MITF: variants seen among roughly 807,000 people sequenced by gnomAD.
MITF encodes microphthalmia-associated transcription factor.
In MITF, 17 loss-of-function variants were observed where a neutral mutation model predicts 60.5. That is an observed-to-expected ratio of 0.28 (90% confidence interval 0.19 to 0.42). The LOEUF (loss-of-function observed/expected upper bound fraction) is 0.42. Ranked by LOEUF, MITF falls within the 10% of genes least tolerant of loss-of-function variation. MITF has a pLI of 1.00. For synonymous variants in MITF, 260 were observed against 248.5 expected (o/e 1.05, Z -0.43); for missense variants, 622 against 683.5 (o/e 0.91, Z 1.00).
At chr3:69,813,822 A>T (rs561335362) in intron 1 of MITF, among the ~76,000 whole-genome samples, 53 of 152,342 alleles carry the variant, frequency 3.5e-4, no homozygotes, top group African/African-American at 1.2e-3. Flanking sequence ...TAAGGATCTT[A>T]GATAAAATTG....
At chr3:69,828,118 T>G (rs1380975139) in intron 1 of MITF, among the ~76,000 whole-genome samples, 1 of 41,136 alleles carries the variant, frequency 2.4e-5, no homozygotes, top group Non-Finnish European at 1.1e-4. Flanking sequence ...TCAGTCAGTA[T>G]TGACACCATG....
intron 1 of MITF, among the ~76,000 whole-genome samples, chr3:69,837,417 G>A (rs1472121970): frequency 6.6e-6 from 1 of 152,076 alleles, no homozygotes; most frequent in Non-Finnish European, 1.5e-5. Flanking sequence ...TTTTTAATGT[G>A]CCCACAGAGT....
At chr3:69,888,985 A>G (rs544212825) in intron 2 of MITF, among the ~76,000 whole-genome samples, 1 of 135,604 alleles carries the variant, frequency 7.4e-6, no homozygotes, top group South Asian at 2.3e-4. Flanking sequence ...TTTAATTTGA[A>G]TCCTTCGTCT....
chr3:69,854,264 T>C (rs1415534792), intron 1 of MITF, among the ~76,000 whole-genome samples: 1 of 152,218 alleles, frequency 6.6e-6, no homozygotes, highest in Non-Finnish European at 1.5e-5. Context: ...TTTTTGTTAA[T>C]AATTTAATGT....
At position 69,883,355 on chromosome 3, in the gene MITF, C is replaced by CATTT. The variant is rs548363360; in HGVS notation, c.354+3973_354+3976dup. ...TGGTTATCTCGTCAAAGTTGCCTCT[C>CATTT]ATTTGTATTGAGATTCTAGCGAGGT... On this transcript the variant is annotated intron_variant, in intron 2 of 9. Coordinates refer to ENST00000352241, the MANE Select transcript of MITF (RefSeq NM_001354604.2). Among the ~76,000 whole-genome samples the CATTT allele has an allele frequency of 5.9e-5, 9 of 152,254 alleles. No homozygotes were observed. The South Asian group carries it at 1.9e-3, about 32-fold the overall frequency.
chr3:69,765,992 G>T (rs542166835), intron 1 of MITF, among the ~76,000 whole-genome samples: 1 of 152,288 alleles, frequency 6.6e-6, no homozygotes, highest in African/African-American at 2.4e-5. Flanking sequence ...AGGAAAAATA[G>T]TTATGAATTT....
intron 1 of MITF, among the ~76,000 whole-genome samples, chr3:69,781,665 T>G (rs760755789): frequency 1.6e-4 from 24 of 152,146 alleles, no homozygotes; most frequent in Non-Finnish European, 3.2e-4. Context: ...CCCCCAAAGG[T>G]TGGTCCTACT....
intron 2 of MITF, among the ~76,000 whole-genome samples, chr3:69,933,364 C>T (rs1396148046): frequency 1.3e-5 from 2 of 152,080 alleles, no homozygotes; most frequent in African/African-American, 4.8e-5. Flanking sequence ...GTATCTATAG[C>T]TACCATCTTA....
chr3:69,740,829 G>A (rs994305981), intron 1 of MITF, among the ~76,000 whole-genome samples: 1 of 152,176 alleles, frequency 6.6e-6, no homozygotes, highest in Non-Finnish European at 1.5e-5. Context: ...CTGGGTGAAT[G>A]GGCCTGGCTG....
At chr3:69,941,667 G>A (rs964335760) in intron 5 of MITF, among the ~76,000 whole-genome samples, 11 of 152,122 alleles carry the variant, frequency 7.2e-5, no homozygotes, top group African/African-American at 2.7e-4. Context: ...ACTATTCACA[G>A]TGGTGCTCTA....
intron 1 of MITF, among the ~76,000 whole-genome samples, chr3:69,792,589 C>A (rs939249928): frequency 6.6e-6 from 1 of 152,102 alleles, no homozygotes; most frequent in Non-Finnish European, 1.5e-5. Flanking sequence ...CTTCCCCAAC[C>A]CATGCAAATA....
intron 1 of MITF, among the ~76,000 whole-genome samples, chr3:69,765,793 C>A (rs747692836): frequency 6.6e-6 from 1 of 152,122 alleles, no homozygotes; most frequent in African/African-American, 2.4e-5. Flanking sequence ...ATTATTCAGT[C>A]TCGGGAAAAT....
intron 1 of MITF, among the ~76,000 whole-genome samples, chr3:69,849,559 G>A (rs2063791072): frequency 6.6e-6 from 1 of 152,216 alleles, no homozygotes; most frequent in Non-Finnish European, 1.5e-5. Flanking sequence ...TGCTCATTTT[G>A]CAGATGACGA....
At chr3:69,812,970 C>T (rs1026026104) in intron 1 of MITF, among the ~76,000 whole-genome samples, 1 of 152,108 alleles carries the variant, frequency 6.6e-6, no homozygotes, top group African/African-American at 2.4e-5. Context: ...GTGTAAGTGG[C>T]TCTGAGAAAG....
intron 2 of MITF, among the ~76,000 whole-genome samples, chr3:69,934,256 A>G (rs2065783561): frequency 6.6e-6 from 1 of 152,140 alleles, no homozygotes; most frequent in Non-Finnish European, 1.5e-5. Flanking sequence ...TTTCACTCTC[A>G]TTTCACCAGT....
chr3:69,831,317 G>T (rs1021457009), intron 1 of MITF, among the ~76,000 whole-genome samples: 3 of 152,080 alleles, frequency 2.0e-5, no homozygotes, highest in Non-Finnish European at 4.4e-5. Context: ...GAAAATCCTC[G>T]ACAGGGTTAA....
chr3:69,959,398 G>A lies in MITF; in HGVS notation c.1157G>A (p.Arg386Gln), dbSNP rs775320252. 3.2e-5 allele frequency: 51 copies of A among 1,613,750 alleles called. No homozygotes were observed. Among genetic ancestry groups the A allele is most frequent in the African/African-American group, 4.0e-5 (3 of 74,902 alleles). Residue 386 changes from arginine (R) to glutamine (Q), a missense_variant, in exon 9 of 10, where the codon CGG (arginine) becomes CAG (glutamine). Physicochemically the swap from Arg to Gln is conservative, Grantham distance 43. This residue lies in a region of MITF where 224 missense variants were observed against 209.5 expected (regional missense o/e 1.07). Coordinates refer to ENST00000352241, the MANE Select transcript of MITF (RefSeq NM_001354604.2). ...NRQKKLEHAN[R>Q]HLLLRIQELE... The stretch of plus-strand genomic sequence containing the variant: ...CAGAAGAAACTGGAGCACGCCAACC[G>A]GCATTTGTTGCTCAGAATACAGGTA...
At chr3:69,794,524 C>T (rs1212204629) in intron 1 of MITF, among the ~76,000 whole-genome samples, 2 of 152,128 alleles carry the variant, frequency 1.3e-5, no homozygotes, top group African/African-American at 4.8e-5. Flanking sequence ...AGGTAAGATG[C>T]TGGAGAACCA....
chr3:69,937,354 G>A (rs1325728486), intron 2 of MITF, among the ~76,000 whole-genome samples: 2 of 148,218 alleles, frequency 1.3e-5, no homozygotes, highest in South Asian at 2.2e-4. Context: ...TACACAGTTG[G>A]TTCTTAAGGA....
Sources: allele counts gnomAD v4.1 joint callset (sites outside exome capture counted in the v4.1 genomes callset), GRCh38; gene constraint gnomAD v4.1.1; regional missense constraint gnomAD v4.1.1; transcripts MANE v1.5; gene names NCBI Gene and HGNC (gene_info 2026-07-23, HGNC 2026-07-21).